Variants in PLCG2 observed in about 807,000 individuals in gnomAD.
PLCG2 encodes the protein phospholipase C gamma 2.
PLCG2 carries 69 observed loss-of-function variants against 175.6 expected under a neutral mutation model. The observed-to-expected ratio is 0.39, with a 90% CI of 0.32 to 0.48. The LOEUF is 0.48. PLCG2 is among the 20% of genes least tolerant of loss of function. The pLI is 0.91. For missense variants in PLCG2, 1,798 were observed against 1,650.9 expected (o/e 1.09, Z -1.54); for synonymous variants, 827 against 624.0 (o/e 1.33, Z -4.85).
At chr16:81,833,492 C>G (rs558399352) in intron 2 of PLCG2, among the ~76,000 whole-genome samples, 1 of 151,418 alleles carries the variant, frequency 6.6e-6, no homozygotes, top group East Asian at 1.9e-4. Context: ...AAAGGATACT[C>G]CTGCCTGTTT....
chr16:81,763,391 C>T (rs1910079952), intron 2 of PLCG2, among the ~76,000 whole-genome samples: 1 of 152,230 alleles, frequency 6.6e-6, no homozygotes, highest in Non-Finnish European at 1.5e-5. Context: ...TGGGAAGTTC[C>T]AGCTCTCTGC....
Position 81,796,214 on chromosome 16 carries a change from C to T in PLCG2, c.193+10032C>T, listed in dbSNP as rs150279139. ...GATGTCTCTTAGACAGCCTCATCTG[C>T]CCTCTTGGGTTTCTCTCACAGATGT... On this transcript the variant is annotated intron_variant, in intron 2 of 32. Transcript: ENST00000564138. Among the ~76,000 whole-genome samples the T allele has an allele frequency of 4.9e-3, 748 of 152,346 alleles. 7 individuals carry two copies. Among genetic ancestry groups the T allele is most frequent in the African/African-American group, 0.015 (608 of 41,580 alleles).
At chr16:81,929,290 A>T (rs1348492128) in intron 24 of PLCG2, among the ~76,000 whole-genome samples, 1 of 152,038 alleles carries the variant, frequency 6.6e-6, no homozygotes, top group Non-Finnish European at 1.5e-5. Flanking sequence ...GCAGCCCATG[A>T]CCCTCCCTGG....
intron 30 of PLCG2, among the ~76,000 whole-genome samples, chr16:81,944,774 C>G (rs1911084905): frequency 6.6e-6 from 1 of 152,140 alleles, no homozygotes; most frequent in Non-Finnish European, 1.5e-5. Context: ...CCGTACTTGG[C>G]CAACTATGTC....
At chr16:81,807,466 A>T (rs1904286417) in intron 2 of PLCG2, among the ~76,000 whole-genome samples, 1 of 152,222 alleles carries the variant, frequency 6.6e-6, no homozygotes, top group Admixed American at 6.5e-5. Context: ...AAGCCCATCA[A>T]GCCCCCACAT....
chr16:81,892,474 C>G (rs564699023), intron 11 of PLCG2, among the ~76,000 whole-genome samples: 5 of 152,004 alleles, frequency 3.3e-5, no homozygotes, highest in Non-Finnish European at 7.4e-5. Context: ...TCCAGGGGGT[C>G]ATCTGGGAAA....
At chr16:81,785,432 A>G (rs1420525741) in intron 1 of PLCG2, among the ~76,000 whole-genome samples, 1 of 152,122 alleles carries the variant, frequency 6.6e-6, no homozygotes, top group Admixed American at 6.5e-5. Flanking sequence ...TTCTATGCAG[A>G]GGAACCATTT....
chr16:81,893,460 C>G (rs1908733589), intron 11 of PLCG2, among the ~76,000 whole-genome samples: 3 of 152,242 alleles, frequency 2.0e-5, no homozygotes, highest in African/African-American at 7.2e-5. Context: ...CCTCTCCACG[C>G]TTGCATTGCC....
intron 3 of PLCG2, among the ~76,000 whole-genome samples, chr16:81,855,631 T>A (rs1191927918): frequency 6.6e-6 from 1 of 152,216 alleles, no homozygotes; most frequent in Non-Finnish European, 1.5e-5. Flanking sequence ...CTCAGTCGAC[T>A]TGGGGAGACA....
chr16:81,794,807 A>C (rs1354704626), intron 2 of PLCG2, among the ~76,000 whole-genome samples: 1 of 152,206 alleles, frequency 6.6e-6, no homozygotes, highest in African/African-American at 2.4e-5. Flanking sequence ...AGGATGGGAT[A>C]AATACTACAT....
In PLCG2 at chr16:81,893,735, G is replaced by T; in HGVS notation, c.1013G>T (p.Ser338Ile). Residue 338 changes from serine to isoleucine, a missense_variant, in exon 12 of 33, where the codon AGC becomes ATC. Ser to Ile is a moderately radical substitution (Grantham distance 142). Transcript: ENST00000564138. ...TACCTTACAGGTGACCAGCTGCGGA[G>T]CGAGTCGTCCCCAGAAGCTTACATC... Reference protein sequence around the residue: ...NTYLTGDQLRSESSPEAYIRC... With the variant: ...NTYLTGDQLRIESSPEAYIRC... 2 of 1,612,452 alleles carry T rather than the reference G, an allele frequency of 1.2e-6. No individual in the cohort carries two copies. Among genetic ancestry groups the T allele is most frequent in the Non-Finnish European group, 1.7e-6 (2 of 1,179,384 alleles).
At chr16:81,922,681 A>C (rs4341735) in intron 21 of PLCG2, among the ~76,000 whole-genome samples, 1 of 152,198 alleles carries the variant, frequency 6.6e-6, no homozygotes, top group Non-Finnish European at 1.5e-5. Flanking sequence ...AAATTTTACT[A>C]GGTTCCCTGT....
At chr16:81,799,621 C>G (rs1355159929) in intron 2 of PLCG2, among the ~76,000 whole-genome samples, 2 of 127,226 alleles carry the variant, frequency 1.6e-5, no homozygotes, top group Non-Finnish European at 1.6e-5. Flanking sequence ...TTTTTTGAGA[C>G]AGAGTCTCGC....
intron 1 of PLCG2, among the ~76,000 whole-genome samples, chr16:81,752,721 G>A (rs966000873): frequency 1.3e-5 from 2 of 152,324 alleles, no homozygotes; most frequent in South Asian, 2.1e-4. Context: ...GACTGTAGAC[G>A]AGGCCCACTC....
At chr16:81,879,018 C>T (rs1907950873) in intron 7 of PLCG2, among the ~76,000 whole-genome samples, 1 of 152,130 alleles carries the variant, frequency 6.6e-6, no homozygotes, top group Non-Finnish European at 1.5e-5. Context: ...CAGGTCTTTC[C>T]TGGTTCTGGG....
intron 31 of PLCG2, among the ~76,000 whole-genome samples, chr16:81,948,526 G>A (rs909132563): frequency 2.0e-5 from 3 of 152,158 alleles, no homozygotes; most frequent in Non-Finnish European, 4.4e-5. Flanking sequence ...AGAAAACCCA[G>A]GATGTTGTGC....
intron 28 of PLCG2, 87 bp downstream of exon 28, chr16:81,937,990 T>C (rs1910787299): frequency 8.0e-7 from 1 of 1,257,480 alleles, no homozygotes; most frequent in Non-Finnish European, 1.1e-6. Flanking sequence ...AGGGAACCCA[T>C]GTCTAGGGAG....
chr16:81,899,856 A>G (rs191443145), intron 13 of PLCG2, among the ~76,000 whole-genome samples: 2 of 152,370 alleles, frequency 1.3e-5, no homozygotes, highest in East Asian at 1.9e-4. Flanking sequence ...AGAAACACAC[A>G]TAAAACAACG....
In PLCG2 at chr16:81,902,328, A is replaced by T. The variant is rs533060273; in HGVS notation, c.1362+1548A>T. Among the ~76,000 whole-genome samples, 16 of 152,274 alleles carry T rather than the reference A, an allele frequency of 1.1e-4. No homozygotes were observed. In the East Asian group the frequency reaches 2.9e-3, roughly 28 times the overall value. On this transcript the variant is annotated intron_variant, in intron 14 of 32. Coordinates refer to ENST00000564138, the MANE Select transcript of PLCG2 (RefSeq NM_002661.5). Reference sequence around the variant, plus strand: ...AATACCCTAAGCTGGGTGGGTTATAAACAACAGGAACTGATTTCTCACGGT... The same window carrying T: ...AATACCCTAAGCTGGGTGGGTTATATACAACAGGAACTGATTTCTCACGGT...
Sources: allele counts gnomAD v4.1 joint callset (sites outside exome capture counted in the v4.1 genomes callset), GRCh38; gene constraint gnomAD v4.1.1; transcripts MANE v1.5; gene names NCBI Gene and HGNC (gene_info 2026-07-23, HGNC 2026-07-21).